Variants in B9D1 observed in about 807,000 individuals in gnomAD.
B9D1 encodes the protein B9 domain-containing protein 1.
B9D1 carries 20 observed loss-of-function variants against 26.1 expected under a neutral mutation model. That is an observed-to-expected ratio of 0.77 (90% confidence interval 0.54 to 1.12). The LOEUF (loss-of-function observed/expected upper bound fraction) is 1.12, where lower values mean the gene tolerates loss of function less well. B9D1 is among the 50% of genes most tolerant of loss of function. The pLI is 0.00. For missense variants in B9D1, 260 were observed against 273.7 expected (o/e 0.95, Z 0.35); for synonymous variants, 105 against 103.1 (o/e 1.02, Z -0.11).
At chr17:19,373,310 TTCC>T (rs1911979502) in intron 1 of B9D1, among the ~76,000 whole-genome samples, 3 of 152,124 alleles carry the variant, frequency 2.0e-5, no homozygotes, top group South Asian at 4.1e-4. Flanking sequence ...TGCTTCTTGG[TTCC>T]TCATTTTGGT....
downstream of B9D1, among the ~76,000 whole-genome samples, chr17:19,341,936 G>C (rs1908014689): frequency 6.6e-6 from 1 of 152,188 alleles, no homozygotes; most frequent in African/African-American, 2.4e-5. Context: ...GGTTTGAAGA[G>C]CACAGGGAAG....
At chr17:19,341,296 G>GAGA, downstream of B9D1, 1 of 1,232,096 alleles carries the variant, frequency 8.1e-7, no homozygotes, top group Non-Finnish European at 1.0e-6. Flanking sequence ...GCCATGGACA[G>GAGA]AGAAGACAGC....
At chr17:19,371,976 AAAG>A (rs1357370804) in intron 1 of B9D1, 2 of 152,228 alleles carry the variant, frequency 1.3e-5, no homozygotes, top group African/African-American at 4.8e-5. Flanking sequence ...GTGTGTGTGT[AAAG>A]AAGGAAAACC....
intron 1 of B9D1, among the ~76,000 whole-genome samples, chr17:19,369,645 T>G (rs1360382219): frequency 6.6e-6 from 1 of 152,082 alleles, no homozygotes; most frequent in Non-Finnish European, 1.5e-5. Flanking sequence ...CAGGCAGATG[T>G]GGTCATCCAG....
At chr17:19,366,578 A>AC (rs1911602877), upstream of B9D1, among the ~76,000 whole-genome samples, 1 of 152,104 alleles carries the variant, frequency 6.6e-6, no homozygotes, top group Non-Finnish European at 1.5e-5. Flanking sequence ...TCAGAGACAA[A>AC]CCGACTTCCC....
intron 2 of B9D1, 62 bp downstream of exon 2, chr17:19,360,258 G>T: frequency 2.0e-6 from 3 of 1,472,518 alleles, no homozygotes; most frequent in South Asian, 2.3e-5. Flanking sequence ...GGAAGGATAT[G>T]ACACCTTCAG....
At chr17:19,342,083 G>A (rs1297273248), downstream of B9D1, among the ~76,000 whole-genome samples, 1 of 152,198 alleles carries the variant, frequency 6.6e-6, no homozygotes, top group Non-Finnish European at 1.5e-5. Flanking sequence ...TCCAAGTGAG[G>A]AGGTTGAGGA....
chr17:19,342,030 T>G (rs545483349), downstream of B9D1, among the ~76,000 whole-genome samples: 2 of 152,114 alleles, frequency 1.3e-5, no homozygotes, highest in East Asian at 3.9e-4. Context: ...TAACAAGAGA[T>G]ATGCCTGCCT....
downstream of B9D1, chr17:19,336,688 T>G (rs533197191): frequency 6.6e-6 from 1 of 152,614 alleles, no homozygotes; most frequent in African/African-American, 2.4e-5. Context: ...ATTTACTGTA[T>G]AAATATAATT....
downstream of B9D1, chr17:19,335,508 C>T (rs1197158191): frequency 2.6e-6 from 4 of 1,536,378 alleles, no homozygotes; most frequent in African/African-American, 5.5e-5. Flanking sequence ...AATCCACGCT[C>T]AGGCTAAAGA....
In B9D1 at chr17:19,359,942, ACT is replaced by A. The variant is rs1385446586; in HGVS notation, c.132+376_132+377del. On this transcript the variant is annotated intron_variant, in intron 2 of 6. Coordinates refer to ENST00000261499, the MANE Select transcript of B9D1 (RefSeq NM_015681.6). The surrounding 1 kb of genome is among the most constrained non-coding windows in gnomAD (Gnocchi z 5.0). Reference sequence around the variant, plus strand: ...GGGAAGTCCTGGAAGGAGAGCTCCTACTCTGTCTTTTTACTCCAGGTCCTCCC... The same window carrying A: ...GGGAAGTCCTGGAAGGAGAGCTCCTACTGTCTTTTTACTCCAGGTCCTCCC... 6.6e-6 allele frequency among the ~76,000 whole-genome samples: 1 copy of A among 152,106 alleles called. No homozygotes were observed. The highest frequency in any genetic ancestry group is 2.4e-5 in the African/African-American group (1 of 41,398).
chr17:19,374,594 T>C (rs1912025415), intron 1 of B9D1, among the ~76,000 whole-genome samples: 1 of 152,236 alleles, frequency 6.6e-6, no homozygotes, highest in Non-Finnish European at 1.5e-5. Flanking sequence ...TTCAAGAAAA[T>C]TTATTGCAGC....
intron 1 of B9D1, among the ~76,000 whole-genome samples, chr17:19,377,206 T>C (rs1280696766): frequency 6.6e-6 from 1 of 152,228 alleles, no homozygotes; most frequent in East Asian, 1.9e-4. Context: ...ACTTTCTAAA[T>C]TGACTTGAGA....
chr17:19,377,074 T>C (rs1912165008), intron 1 of B9D1, among the ~76,000 whole-genome samples: 1 of 152,216 alleles, frequency 6.6e-6, no homozygotes, highest in South Asian at 2.1e-4. Context: ...CTTGCATGTA[T>C]TGACTTATGT....
rs901221882 is a variant in B9D1, at chr17:19,372,190, T to G, written c.-298+5669A>C. ...GCGTTAACAAGGGCGGCTGCTGCAG[T>G]GTGGGTGAAGGGCCAGACCTTGTGT... On this transcript the variant is annotated intron_variant, in intron 1 of 5. Transcript: ENST00000477478. The surrounding 1 kb of genome is among the most constrained non-coding windows in gnomAD (Gnocchi z 4.4). The G allele has an allele frequency of 6.6e-6, 1 of 152,480 alleles. No individual in the cohort carries two copies. Among genetic ancestry groups the G allele is most frequent in the African/African-American group, 2.4e-5 (1 of 41,482 alleles). 9.4% of individuals were successfully genotyped at this position (152,480 alleles called of 1,614,324 possible). A position where few individuals can be genotyped will look rare whatever the true frequency, so the allele number is the denominator to read the frequency against.
At chr17:19,340,536 T>C (rs191629079), downstream of B9D1, among the ~76,000 whole-genome samples, 25 of 150,290 alleles carry the variant, frequency 1.7e-4, no homozygotes, top group East Asian at 5.1e-3. Context: ...TCCCAACACT[T>C]TGGGAAGCTG....
At chr17:19,365,161 G>C (rs1911519800), upstream of B9D1, among the ~76,000 whole-genome samples, 1 of 152,268 alleles carries the variant, frequency 6.6e-6, no homozygotes, top group African/African-American at 2.4e-5. This position sits in a 1 kb window ranked among gnomAD's most constrained non-coding sequence, Gnocchi z 5.0. Flanking sequence ...AGCGACGGAG[G>C]CCTTGCCCCT....
chr17:19,354,466 CAT>C (rs1555609456), intron 3 of B9D1, among the ~76,000 whole-genome samples: 1 of 152,232 alleles, frequency 6.6e-6, no homozygotes, highest in Non-Finnish European at 1.5e-5. Context: ...CATAATGAAA[CAT>C]AAATCTTAAA....
At chr17:19,340,487 A>G (rs991101594), downstream of B9D1, among the ~76,000 whole-genome samples, 15 of 146,150 alleles carry the variant, frequency 1.0e-4, no homozygotes, top group African/African-American at 3.3e-4. Context: ...GTGCATTCTT[A>G]AAGTATTCTT....
Sources: allele counts gnomAD v4.1 joint callset (sites outside exome capture counted in the v4.1 genomes callset), GRCh38; gene constraint gnomAD v4.1.1; non-coding constraint Gnocchi (gnomAD v3.1); transcripts MANE v1.5; gene names NCBI Gene and HGNC (gene_info 2026-07-23, HGNC 2026-07-21).